Variants in ESR2 observed in about 807,000 individuals in gnomAD.
The protein encoded by ESR2 is estrogen receptor beta.
ESR2 carries 36 observed loss-of-function variants against 49.6 expected under a neutral mutation model. The ratio of observed to expected loss-of-function variants is 0.73; its 90% confidence interval spans 0.56 to 0.96. The LOEUF is 0.96. Ranked by LOEUF, ESR2 falls within the 40% of genes least tolerant of loss-of-function variation. ESR2 has a pLI of 0.00. For missense variants in ESR2, 714 were observed against 693.0 expected (o/e 1.03, Z -0.34); for synonymous variants, 320 against 266.1 (o/e 1.20, Z -1.97).
At chr14:64,307,326 C>T (rs2077116754) in intron 1 of ESR2, among the ~76,000 whole-genome samples, 1 of 151,312 alleles carries the variant, frequency 6.6e-6, no homozygotes, top group African/African-American at 2.4e-5. Context: ...ATCCTCCTGC[C>T]TCAGCCTCCT....
At chr14:64,265,792 G>A (rs938268960) in intron 4 of ESR2, among the ~76,000 whole-genome samples, 13 of 152,164 alleles carry the variant, frequency 8.5e-5, no homozygotes, top group African/African-American at 2.9e-4. Flanking sequence ...AAATTCAGAA[G>A]AAAAGGGTGA....
intron 7 of ESR2, among the ~76,000 whole-genome samples, chr14:64,235,551 G>T (rs2075578589): frequency 6.6e-6 from 1 of 152,254 alleles, no homozygotes; most frequent in South Asian, 2.1e-4. Flanking sequence ...TCTAAAGGGA[G>T]TTTAATAAAC....
At chr14:64,277,763 A>G (rs2076585117) in intron 3 of ESR2, among the ~76,000 whole-genome samples, 1 of 152,186 alleles carries the variant, frequency 6.6e-6, no homozygotes, top group Admixed American at 6.5e-5. Context: ...GACAGGAAGC[A>G]TGCAAAGAAA....
At position 64,233,056 on chromosome 14, in the gene ESR2, A is replaced by T; in HGVS notation, c.*81T>A. 1 of 1,538,002 alleles carries T rather than the reference A, an allele frequency of 6.5e-7. No individual in the cohort carries two copies. The highest frequency in any genetic ancestry group is 8.8e-7 in the Non-Finnish European group (1 of 1,139,934). Reference sequence around the variant, plus strand: ...AAATGAGGGACCACACAGCAGAAAGATGAAGCCCAGGCTCCTGACACACTG... The same window carrying T: ...AAATGAGGGACCACACAGCAGAAAGTTGAAGCCCAGGCTCCTGACACACTG... On this transcript the variant is annotated 3_prime_UTR_variant, in exon 9 of 9. Coordinates refer to ENST00000341099, the MANE Select transcript of ESR2 (RefSeq NM_001437.3).
At chr14:64,240,943 G>A (rs1038102606) in intron 7 of ESR2, among the ~76,000 whole-genome samples, 2 of 151,964 alleles carry the variant, frequency 1.3e-5, no homozygotes, top group Admixed American at 1.3e-4. Context: ...AGGAGATCGA[G>A]ACCATCCTGG....
At chr14:64,314,895 A>G (rs10146107) in intron 1 of ESR2, among the ~76,000 whole-genome samples, 18,592 of 145,786 alleles carry the variant, frequency 0.13, 1,691 homozygotes, top group African/African-American at 0.24. Flanking sequence ...AAAAAAAAAA[A>G]AAAAAAAGAA....
intron 1 of ESR2, among the ~76,000 whole-genome samples, chr14:64,313,991 A>T (rs1026395347): frequency 6.6e-6 from 1 of 152,202 alleles, no homozygotes; most frequent in Non-Finnish European, 1.5e-5. Flanking sequence ...CAGCACGAAC[A>T]TAGAAAAACT....
intron 1 of ESR2, among the ~76,000 whole-genome samples, chr14:64,305,039 C>A (rs1465132993): frequency 6.6e-6 from 1 of 152,052 alleles, no homozygotes; most frequent in African/African-American, 2.4e-5. Context: ...GCCTGTAATC[C>A]CAGCTCTTTG....
intron 1 of ESR2, among the ~76,000 whole-genome samples, chr14:64,304,695 C>A (rs2077067330): frequency 6.6e-6 from 1 of 151,730 alleles, no homozygotes; most frequent in African/African-American, 2.4e-5. Context: ...ATAGTGAGAC[C>A]ATGTCTCTGC....
chr14:64,283,042 A>C lies in ESR2; in HGVS notation c.-57T>G. The C allele has an allele frequency of 1.3e-6, 2 of 1,532,044 alleles. No homozygotes were observed. Among genetic ancestry groups the C allele is most frequent in the Non-Finnish European group, 1.8e-6 (2 of 1,139,224 alleles). The allele number at this position is 1,532,044 out of a possible 1,614,324, so 94.9% of individuals were successfully genotyped here. ...CAAGAAGAGGCACAAAGGTCATTAT[A>C]ATGTTCTCAAAGATTCGTGGGCAAG... is the stretch of plus-strand genomic sequence containing the variant. On this transcript the variant is annotated 5_prime_UTR_variant, in exon 2 of 9. In the 5' UTR this introduces an upstream ATG that the reference lacks. Transcript: ENST00000341099.
At chr14:64,312,294 A>G (rs2077196004) in intron 1 of ESR2, among the ~76,000 whole-genome samples, 1 of 152,228 alleles carries the variant, frequency 6.6e-6, no homozygotes, top group Non-Finnish European at 1.5e-5. Flanking sequence ...ATTAGGAAAA[A>G]GAAAACAGAA....
At chr14:64,265,611 G>A (rs1488036305) in intron 4 of ESR2, among the ~76,000 whole-genome samples, 1 of 152,150 alleles carries the variant, frequency 6.6e-6, no homozygotes, top group Admixed American at 6.5e-5. Flanking sequence ...TTGAGCTATT[G>A]TCCCAATATG....
chr14:64,315,801 C>T (rs562291486), intron 1 of ESR2, among the ~76,000 whole-genome samples: 10 of 152,086 alleles, frequency 6.6e-5, no homozygotes, highest in South Asian at 6.2e-4. Context: ...ACTACAGGTG[C>T]GTGCCACCAC....
At chr14:64,246,857 A>T (rs945676926) in intron 7 of ESR2, among the ~76,000 whole-genome samples, 6 of 151,922 alleles carry the variant, frequency 3.9e-5, no homozygotes, top group African/African-American at 1.5e-4. Context: ...GGTGAATGGT[A>T]ACAATAAACA....
chr14:64,301,629 A>C (rs1894445272), intron 1 of ESR2: 1 of 152,218 alleles, frequency 6.6e-6, no homozygotes, highest in Admixed American at 6.5e-5. Flanking sequence ...ATAGATCAGA[A>C]TTGCCCAGTG....
intron 1 of ESR2, among the ~76,000 whole-genome samples, chr14:64,309,065 C>CAT (rs1157619074): frequency 1.3e-4 from 20 of 152,104 alleles, no homozygotes; most frequent in African/African-American, 4.8e-4. Flanking sequence ...GATCAAATAA[C>CAT]ATACCTAAAG....
chr14:64,227,981 C>G, downstream of ESR2: 2 of 1,574,628 alleles, frequency 1.3e-6, no homozygotes, highest in Non-Finnish European at 1.7e-6. Flanking sequence ...GAAAATCTAT[C>G]CAAATAATCG....
At chr14:64,327,173 G>C in intron 1 of ESR2, among the ~76,000 whole-genome samples, 1 of 152,010 alleles carries the variant, frequency 6.6e-6, no homozygotes, top group East Asian at 1.9e-4. Flanking sequence ...TATACCTTGT[G>C]TCAATAGACT....
chr14:64,233,301 G>A lies in ESR2; in HGVS notation c.1429C>T (p.Leu477Phe). Reference sequence around the variant, plus strand: ...ACCACATTTTTGCACTTCATGTTGAGCAGATGTTCCATGCCCTTGTTACTA... The same window carrying A: ...ACCACATTTTTGCACTTCATGTTGAACAGATGTTCCATGCCCTTGTTACTA... Reference protein sequence around the residue: ...HASNKGMEHLLNMKCKNVVPV... With the variant: ...HASNKGMEHLFNMKCKNVVPV... The change falls in exon 9 of 9, where the codon CTC (leucine) becomes TTC (phenylalanine). Residue 477 changes from leucine (L) to phenylalanine (F), a missense_variant. Leu to Phe is a conservative substitution (Grantham distance 22). Transcript: ENST00000341099. 6.2e-7 allele frequency: 1 copy of A among 1,613,844 alleles called. No homozygotes were observed. The highest frequency in any genetic ancestry group is 1.3e-5 in the African/African-American group (1 of 75,032).
Sources: gnomAD v4.1 joint callset for allele counts (sites outside exome capture counted in the v4.1 genomes callset) on GRCh38, gnomAD v4.1.1 for gene constraint, MANE v1.5 for transcripts, NCBI Gene and HGNC (gene_info 2026-07-23, HGNC 2026-07-21) for gene names.